Variants in ATF6 observed in about 807,000 individuals in gnomAD.
ATF6 encodes the protein activating transcription factor 6, also known as cyclic AMP-dependent transcription factor ATF-6 alpha.
A neutral mutation model predicts 83.6 loss-of-function variants in ATF6; 53 were observed. That is an observed-to-expected ratio of 0.63 (90% CI 0.51 to 0.80). The LOEUF (loss-of-function observed/expected upper bound fraction) is 0.80, where lower values mean the gene tolerates loss of function less well. Ranked by LOEUF, ATF6 falls within the 30% of genes least tolerant of loss-of-function variation. The probability of loss-of-function intolerance (pLI) is 0.00; values close to 1 mark genes in which losing one functional copy is unlikely to be tolerated. For synonymous variants in ATF6, 288 were observed against 285.8 expected, an observed-to-expected ratio of 1.01 and a Z score of -0.08; for missense variants, 744 against 797.9, an observed-to-expected ratio of 0.93 and a Z score of 0.81.
intron 1 of ATF6, among the ~76,000 whole-genome samples, chr1:161,767,926 G>C (rs1186436291): frequency 6.6e-6 from 1 of 152,098 alleles, no homozygotes; most frequent in Non-Finnish European, 1.5e-5. Flanking sequence ...CGCAATCTTG[G>C]CTCACCGCAA....
At chr1:161,857,353 T>C (rs1318667813) in intron 12 of ATF6, among the ~76,000 whole-genome samples, 1 of 152,194 alleles carries the variant, frequency 6.6e-6, no homozygotes, top group Non-Finnish European at 1.5e-5. Flanking sequence ...CTGATTTCTT[T>C]GAAATATCTG....
intron 14 of ATF6, among the ~76,000 whole-genome samples, chr1:161,877,831 T>A (rs961869015): frequency 2.0e-5 from 3 of 152,042 alleles, no homozygotes; most frequent in African/African-American, 7.2e-5. Flanking sequence ...CTAAATACAT[T>A]TTGTGGATAG....
intron 1 of ATF6, among the ~76,000 whole-genome samples, chr1:161,772,897 G>GT (rs1684422163): frequency 6.7e-6 from 1 of 149,036 alleles, no homozygotes; most frequent in Non-Finnish European, 1.5e-5. Context: ...ACTGACTCTA[G>GT]TTTTTTATTT....
rs528746470 is a variant in ATF6 at position 161,953,638 on chromosome 1, G to A, written c.1805-4808G>A. 9.9e-5 allele frequency among the ~76,000 whole-genome samples: 15 copies of A among 152,160 alleles called. No homozygotes were observed. The South Asian group carries it at 2.9e-3, about 29-fold the overall frequency. ...GAGGAACTGTTTTTAATTTATTTCA[G>A]CAAAAGGAATACGTGGTGGTGGCCA... On this transcript the variant is annotated intron_variant, in intron 15 of 15. Coordinates refer to ENST00000367942, the MANE Select transcript of ATF6 (RefSeq NM_007348.4).
intron 14 of ATF6, among the ~76,000 whole-genome samples, chr1:161,904,119 A>G (rs1378567111): frequency 1.3e-5 from 2 of 152,220 alleles, no homozygotes; most frequent in East Asian, 1.9e-4. Context: ...TGAAAGATAC[A>G]TAGTTAGTAC....
intron 15 of ATF6, among the ~76,000 whole-genome samples, chr1:161,919,023 G>A (rs1424096309): frequency 6.6e-6 from 1 of 152,204 alleles, no homozygotes; most frequent in African/African-American, 2.4e-5. Flanking sequence ...GCTAAAGAGA[G>A]TAGGATATGG....
chr1:161,851,613 A>G (rs1391763446), intron 10 of ATF6, 109 bp from the exon 11 acceptor site: 1 of 661,616 alleles, frequency 1.5e-6, no homozygotes, highest in African/African-American at 1.8e-5. Flanking sequence ...TATTCTGTTT[A>G]CTATATTTTT....
At chr1:161,890,599 G>A (rs925505502) in intron 14 of ATF6, among the ~76,000 whole-genome samples, 38 of 152,372 alleles carry the variant, frequency 2.5e-4, no homozygotes, top group African/African-American at 8.7e-4. Flanking sequence ...AGGCCGCCAG[G>A]TAGGTGGAAG....
intron 15 of ATF6, among the ~76,000 whole-genome samples, chr1:161,937,128 T>C (rs1688550640): frequency 6.6e-6 from 1 of 152,114 alleles, no homozygotes; most frequent in Non-Finnish European, 1.5e-5. Context: ...CTTTTTAAAA[T>C]ATTGACGCTA....
chr1:161,905,989 C>T (rs537310805), intron 14 of ATF6, among the ~76,000 whole-genome samples: 8 of 152,080 alleles, frequency 5.3e-5, no homozygotes, highest in South Asian at 2.1e-4. Flanking sequence ...CCTGCCACCA[C>T]GCCTGGCTAA....
chr1:161,836,172 T>G (rs942489017), intron 9 of ATF6, among the ~76,000 whole-genome samples: 1 of 152,242 alleles, frequency 6.6e-6, no homozygotes, highest in Non-Finnish European at 1.5e-5. Context: ...TATTCCAGCA[T>G]TCTCTGAGTT....
chr1:161,863,203 A>G lies in ATF6; in HGVS notation c.1610A>G (p.Asn537Ser), dbSNP rs1442795097. 1 of 1,585,522 alleles carries G rather than the reference A, an allele frequency of 6.3e-7. No homozygotes were observed. The highest frequency in any genetic ancestry group is 2.2e-5 in the East Asian group (1 of 44,508). Reference protein sequence around the residue: ...YTETTSSISRNSGSELQVYYA... With the variant: ...YTETTSSISRSSGSELQVYYA... The stretch of plus-strand genomic sequence containing the variant: ...TTATATTTTTCTTACTTTAGCAGGA[A>G]CTCAGGGAGTGAGCTACAAGTGTAT... The change falls in exon 14 of 16, where the codon AAC becomes AGC. Residue 537 changes from asparagine (N) to serine (S), a missense_variant. Asn to Ser is a conservative substitution (Grantham distance 46). Transcript: ENST00000367942.
At position 161,832,323 on chromosome 1, in the gene ATF6, C is replaced by A. The variant is rs1207262196; in HGVS notation, c.1187+11162C>A. Among the ~76,000 whole-genome samples, 3 of 152,156 alleles carry A rather than the reference C, an allele frequency of 2.0e-5. No individual in the cohort carries two copies. In the South Asian group the frequency reaches 6.2e-4, roughly 32 times the overall value. ...AACAGCTCCAGTCTACAGCTCCCAGCGTGAGCAATGCAGAAGATGGGTGAT... is the reference window on the plus strand; with the variant it reads ...AACAGCTCCAGTCTACAGCTCCCAGAGTGAGCAATGCAGAAGATGGGTGAT... On this transcript the variant is annotated intron_variant, in intron 9 of 15. Transcript: ENST00000367942.
At chr1:161,844,393 A>G (rs1411209685) in intron 9 of ATF6, among the ~76,000 whole-genome samples, 1 of 152,190 alleles carries the variant, frequency 6.6e-6, no homozygotes, top group Non-Finnish European at 1.5e-5. Flanking sequence ...CTTGTTCTGG[A>G]TAGCCACAGA....
chr1:161,860,253 A>G lies in ATF6; in HGVS notation c.1580A>G (p.Tyr527Cys), dbSNP rs1686854751. Residue 527 changes from tyrosine (Y) to cysteine (C), a missense_variant, in exon 13 of 16, where the codon TAC becomes TGC. Coordinates refer to ENST00000367942, the MANE Select transcript of ATF6 (RefSeq NM_007348.4). ...AATTCTCAGCTGATGGCTGTTCAAT[A>G]CACAGAAACCACTAGTAGTATCAGG... ...GSNSQLMAVQ[Y>C]TETTSSISRN... 1 of 1,600,062 alleles carries G rather than the reference A, an allele frequency of 6.2e-7. No individual in the cohort carries two copies. Among genetic ancestry groups the G allele is most frequent in the Non-Finnish European group, 8.5e-7 (1 of 1,172,294 alleles).
At chr1:161,785,975 CTT>C (rs568394977) in intron 4 of ATF6, among the ~76,000 whole-genome samples, 9 of 142,098 alleles carry the variant, frequency 6.3e-5, no homozygotes, top group Admixed American at 7.0e-5. Flanking sequence ...AATTTTTGTT[CTT>C]TTTTTTTTTT....
At chr1:161,899,619 C>CA (rs1190501617) in intron 14 of ATF6, among the ~76,000 whole-genome samples, 4 of 152,160 alleles carry the variant, frequency 2.6e-5, no homozygotes, top group Admixed American at 2.6e-4. Context: ...ATATAAAAGA[C>CA]AAAACATTCC....
chr1:161,872,211 C>T (rs1348983752), intron 14 of ATF6, among the ~76,000 whole-genome samples: 2 of 151,554 alleles, frequency 1.3e-5, no homozygotes, highest in African/African-American at 2.4e-5. Flanking sequence ...AAAAAGTCCG[C>T]TGTAGAAATG....
At chr1:161,911,908 A>G (rs1475910241) in intron 14 of ATF6, among the ~76,000 whole-genome samples, 1 of 152,228 alleles carries the variant, frequency 6.6e-6, no homozygotes, top group Non-Finnish European at 1.5e-5. Context: ...ATCATTTTAC[A>G]GGACTGGAAA....
Sources: gnomAD v4.1 joint callset for allele counts (sites outside exome capture counted in the v4.1 genomes callset) on GRCh38, gnomAD v4.1.1 for gene constraint, MANE v1.5 for transcripts, NCBI Gene and HGNC (gene_info 2026-07-23, HGNC 2026-07-21) for gene names.